Variants in ZNF347 observed in about 807,000 individuals in gnomAD.
The protein encoded by ZNF347 is CTD-2620I22.7.
A neutral mutation model predicts 12.9 loss-of-function variants in ZNF347; 19 were observed. The ratio of observed to expected loss-of-function variants is 1.47; its 90% CI spans 1.03 to 2.16. The LOEUF (loss-of-function observed/expected upper bound fraction) is 2.16, where lower values mean the gene tolerates loss of function less well. Ranked by LOEUF, ZNF347 falls within the 30% of genes most tolerant of loss-of-function variation. ZNF347 has a pLI of 0.00. For missense variants in ZNF347, 1,005 were observed against 990.6 expected (o/e 1.01, Z -0.19); for synonymous variants, 328 against 340.6 (o/e 0.96, Z 0.41).
intron 4 of ZNF347, among the ~76,000 whole-genome samples, chr19:53,147,583 T>A (rs1386977422): frequency 3.3e-5 from 5 of 150,926 alleles, no homozygotes; most frequent in East Asian, 3.9e-4. Flanking sequence ...ATAATAATAA[T>A]AAAGAAAGAA....
chr19:53,140,717 GTATGAACTCTCTGA>G lies in ZNF347; in HGVS notation c.2097_2110del (p.Gln700TrpfsTer6), dbSNP rs779820577. The G allele has an allele frequency of 1.2e-6, 2 of 1,613,168 alleles. No homozygotes were observed. The highest frequency in any genetic ancestry group is 4.5e-5 in the East Asian group (2 of 44,886). ...ATTACACTCATATGGTTTCTCTCCA[GTATGAACTCTCTGA>G]TGCCTTGCAAGCTTTGATGTTTGAC... On this transcript the variant is annotated frameshift_variant, in exon 5 of 5. Transcript: ENST00000334197. LOFTEE classifies it low-confidence loss of function (END_TRUNC).
Position 53,135,321 on chromosome 19 carries a change from TATATATATATATATATATAGAGAGAGAG to T in ZNF347, c.*4959_*4986del, listed in dbSNP as rs1346899868. On this transcript the variant is annotated 3_prime_UTR_variant, in exon 5 of 5. Transcript: ENST00000334197. ...CTAAATATATATATATATATATATA[TATATATATATATATATATAGAGAGAGAG>T]AGAGAGAGAGAGAGAGAGAAAGAGA... is the stretch of plus-strand genomic sequence containing the variant. 3 of 62,074 alleles carry T rather than the reference TATATATATATATATATATAGAGAGAGAG, an allele frequency of 4.8e-5. No individual in the cohort carries two copies. The highest frequency in any genetic ancestry group is 7.4e-5 in the Non-Finnish European group (2 of 27,038). The allele number at this position is 62,074 out of a possible 1,614,324, so 3.8% of individuals were successfully genotyped here. A position where few individuals can be genotyped will look rare whatever the true frequency, so the allele number is the denominator to read the frequency against.
At position 53,149,349 on chromosome 19, in the gene ZNF347, C is replaced by T; in HGVS notation, c.34G>A (p.Asp12Asn). The change falls in exon 3 of 5, where the codon GAT (aspartate) becomes AAT (asparagine). Residue 12 changes from aspartate to asparagine, a missense_variant. Physicochemically the swap from Asp to Asn is conservative, Grantham distance 23. Coordinates refer to ENST00000334197, the MANE Select transcript of ZNF347 (RefSeq NM_032584.3). ...ALTQGQVTFR[D>N]VAIEFSQEEW... ...TCCTGAGAGAATTCTATAGCCACAT[C>T]CCTGAATGTCACCTGTCCCTAAAAT... 6.2e-7 allele frequency: 1 copy of T among 1,613,936 alleles called. No individual in the cohort carries two copies. The highest frequency in any genetic ancestry group is 8.5e-7 in the Non-Finnish European group (1 of 1,179,910).
In ZNF347 at chr19:53,134,982, T is replaced by A. The variant is rs897240548; in HGVS notation, c.*5326A>T. The A allele has an allele frequency of 2.0e-5, 3 of 151,208 alleles. No homozygotes were observed. The highest frequency in any genetic ancestry group is 7.4e-5 in the African/African-American group (3 of 40,578). The allele number at this position is 151,208 out of a possible 1,614,324, so 9.4% of individuals were successfully genotyped here. A position where few individuals can be genotyped will look rare whatever the true frequency, so the allele number is the denominator to read the frequency against. ...TAATACAAAGTTACCACAATCACAATGATATATGAAGATAAACCATTTAAA... is the reference window on the plus strand; with the variant it reads ...TAATACAAAGTTACCACAATCACAAAGATATATGAAGATAAACCATTTAAA... On this transcript the variant is annotated 3_prime_UTR_variant, in exon 5 of 5. Coordinates refer to ENST00000334197, the MANE Select transcript of ZNF347 (RefSeq NM_032584.3).
intron 1 of ZNF347, among the ~76,000 whole-genome samples, chr19:53,157,515 G>C (rs1247016721): frequency 6.6e-6 from 1 of 151,950 alleles, no homozygotes; most frequent in African/African-American, 2.4e-5. Context: ...GCTTGCACCT[G>C]TTCTGTCCCA....
In ZNF347 at chr19:53,140,785, G is replaced by T. The variant is rs956309245; in HGVS notation, c.2043C>A (p.Tyr681Ter). The T allele has an allele frequency of 1.2e-6, 2 of 1,612,898 alleles. No individual in the cohort carries two copies. Among genetic ancestry groups the T allele is most frequent in the African/African-American group, 1.3e-5 (1 of 74,796 alleles). ...AGGCTTTGCCACATTCATTACACTG[G>T]TAAGGTTTACCTCCAGTATGAACTC... ...HRRVHTGGKP[Y>*]QCNECGKAFS... is the part of the protein sequence containing the mutation. The change falls in exon 5 of 5, where the codon TAC becomes TAA. Residue 681 changes from tyrosine (Y) to a stop codon, truncating the protein, a stop_gained. Transcript: ENST00000334197. LOFTEE classifies it low-confidence loss of function (END_TRUNC).
Position 53,140,116 on chromosome 19 carries a change from T to G in ZNF347, c.*192A>C. 1 of 559,692 alleles carries G rather than the reference T, an allele frequency of 1.8e-6. No individual in the cohort carries two copies. Among genetic ancestry groups the G allele is most frequent in the Non-Finnish European group, 3.1e-6 (1 of 323,754 alleles). 34.7% of individuals were successfully genotyped at this position (559,692 alleles called of 1,614,324 possible). On this transcript the variant is annotated 3_prime_UTR_variant, in exon 5 of 5. Transcript: ENST00000334197. Reference sequence around the variant, plus strand: ...GGTTTCGCCATGTTGGTCAGGCTGGTCTTGAACTCCTGACCTCAGGTGATC... The same window carrying G: ...GGTTTCGCCATGTTGGTCAGGCTGGGCTTGAACTCCTGACCTCAGGTGATC...
chr19:53,149,666 C>A, intron 2 of ZNF347: 1 of 357,432 alleles, frequency 2.8e-6, no homozygotes, highest in South Asian at 2.4e-5. Flanking sequence ...GTTGGGACTT[C>A]GAGCCCCATC....
intron 1 of ZNF347, among the ~76,000 whole-genome samples, chr19:53,154,435 T>C (rs772392606): frequency 6.6e-6 from 1 of 151,916 alleles, no homozygotes; most frequent in Non-Finnish European, 1.5e-5. Flanking sequence ...GCAGGTGACA[T>C]GAAGCTGTGC....
rs10411402 is a variant in ZNF347 at position 53,153,273 on chromosome 19, G to A, written c.15+460C>T. Among the ~76,000 whole-genome samples the A allele has an allele frequency of 7.4e-3, 1,122 of 152,288 alleles. 10 individuals are homozygous for A. The highest frequency in any genetic ancestry group is 0.026 in the African/African-American group (1,069 of 41,562). On this transcript the variant is annotated intron_variant, in intron 2 of 4. Coordinates refer to ENST00000334197, the MANE Select transcript of ZNF347 (RefSeq NM_032584.3). ...TTAGAAACACAGTGACTCACTTGGT[G>A]AGCTTCAAATGTAATGTAAATGAGC...
chr19:53,135,032 A>G lies in ZNF347; in HGVS notation c.*5276T>C, dbSNP rs914739447. The G allele has an allele frequency of 6.6e-6, 1 of 152,168 alleles. No homozygotes were observed. Among genetic ancestry groups the G allele is most frequent in the African/African-American group, 2.4e-5 (1 of 41,432 alleles). The allele number at this position is 152,168 out of a possible 1,614,324, so 9.4% of individuals were successfully genotyped here. ...AAATTACAAGAGATACTAACAAAAT[A>G]GGTATAGATGGTGAGTAAAGGACAA... is the stretch of plus-strand genomic sequence containing the variant. On this transcript the variant is annotated 3_prime_UTR_variant, in exon 5 of 5. Coordinates refer to ENST00000334197, the MANE Select transcript of ZNF347 (RefSeq NM_032584.3).
Position 53,141,406 on chromosome 19 carries a change from C to A in ZNF347, c.1422G>T (p.Arg474Ser). 1.2e-6 allele frequency: 2 copies of A among 1,612,042 alleles called. No homozygotes were observed. Among genetic ancestry groups the A allele is most frequent in the East Asian group, 2.2e-5 (1 of 44,710 alleles). Residue 474 changes from arginine (R) to serine (S), a missense_variant, in exon 5 of 5, where the codon AGG (arginine) becomes AGT (serine). Transcript: ENST00000334197. ...KVFRRNSHLARHQLIHTGEKP... is the reference protein window; with the variant it reads ...KVFRRNSHLASHQLIHTGEKP... ...TCTCTCCAGTATGAATTAGCTGATGCCTTGCAAGGTGTGAATTACGCCTAA... is the reference window on the plus strand; with the variant it reads ...TCTCTCCAGTATGAATTAGCTGATGACTTGCAAGGTGTGAATTACGCCTAA...
intron 1 of ZNF347, among the ~76,000 whole-genome samples, chr19:53,156,006 T>A (rs577744633): frequency 8.4e-6 from 1 of 119,578 alleles, no homozygotes; most frequent in African/African-American, 3.2e-5. Flanking sequence ...GTGTGGCTTT[T>A]CCCACAATGA....
At chr19:53,150,770 C>T (rs5017480) in intron 2 of ZNF347, among the ~76,000 whole-genome samples, 95,819 of 152,120 alleles carry the variant, frequency 0.63, 31,175 homozygotes, top group South Asian at 0.76. Context: ...GAGACAGAGT[C>T]GCTCTATCAC....
At position 53,141,877 on chromosome 19, in the gene ZNF347, G is replaced by T; in HGVS notation, c.951C>A (p.Tyr317Ter). 1.2e-6 allele frequency: 2 copies of T among 1,613,844 alleles called. No individual in the cohort carries two copies. Among genetic ancestry groups the T allele is most frequent in the Non-Finnish European group, 1.7e-6 (2 of 1,179,944 alleles). Residue 317 changes from tyrosine (Y) to a stop codon, truncating the protein, a stop_gained, in exon 5 of 5, where the codon TAC becomes TAA. Coordinates refer to ENST00000334197, the MANE Select transcript of ZNF347 (RefSeq NM_032584.3). LOFTEE classifies it low-confidence loss of function (END_TRUNC). ...AGACCTTACCACACTCATTACATTTGTAACGTTTTTCGCCAGTATGGATCA... is the reference window on the plus strand; with the variant it reads ...AGACCTTACCACACTCATTACATTTTTAACGTTTTTCGCCAGTATGGATCA... ...HQVIHTGEKR[Y>*]KCNECGKVFS...
rs2090381696 is a variant in ZNF347 at position 53,135,337 on chromosome 19, T to TAGAGAGAGAGAGAG, written c.*4970_*4971insCTCTCTCTCTCTCT. The TAGAGAGAGAGAGAG allele has an allele frequency of 2.3e-5, 2 of 86,050 alleles. No homozygotes were observed. The highest frequency in any genetic ancestry group is 1.1e-4 in the African/African-American group (2 of 18,332). The allele number at this position is 86,050 out of a possible 1,614,324, so 5.3% of individuals were successfully genotyped here. ...ATATATATATATATATATATATATA[T>TAGAGAGAGAGAGAG]ATAGAGAGAGAGAGAGAGAGAGAGA... On this transcript the variant is annotated 3_prime_UTR_variant, in exon 5 of 5. Transcript: ENST00000334197.
rs1031004644 is a variant in ZNF347 at position 53,136,144 on chromosome 19, CTT to C, written c.*4162_*4163del. 6.6e-6 allele frequency: 1 copy of C among 150,944 alleles called. No individual in the cohort carries two copies. The highest frequency in any genetic ancestry group is 2.4e-5 in the African/African-American group (1 of 40,984). 9.4% of individuals were successfully genotyped at this position (150,944 alleles called of 1,614,324 possible). On this transcript the variant is annotated 3_prime_UTR_variant, in exon 5 of 5. Transcript: ENST00000334197. ...CACGCTTGATTTTCAAGCATCTGATCTTTGATAACTTCCATATTAAGAGACTT... is the reference window on the plus strand; with the variant it reads ...CACGCTTGATTTTCAAGCATCTGATCTGATAACTTCCATATTAAGAGACTT...
chr19:53,144,127 T>C (rs2090447002), intron 4 of ZNF347, among the ~76,000 whole-genome samples: 1 of 152,008 alleles, frequency 6.6e-6, no homozygotes, highest in Admixed American at 6.6e-5. Flanking sequence ...AGTCCTTACC[T>C]ATCAATAATA....
intron 1 of ZNF347, among the ~76,000 whole-genome samples, chr19:53,155,085 G>A (rs1010721777): frequency 2.6e-5 from 4 of 151,756 alleles, no homozygotes; most frequent in African/African-American, 7.3e-5. Context: ...TCACAGGCGC[G>A]TGCCACTATG....
Sources: allele counts gnomAD v4.1 joint callset (sites outside exome capture counted in the v4.1 genomes callset), GRCh38; gene constraint gnomAD v4.1.1; transcripts MANE v1.5; gene names NCBI Gene and HGNC (gene_info 2026-07-23, HGNC 2026-07-21).